TNIK: variants seen among roughly 807,000 people sequenced by gnomAD.
TNIK encodes TRAF2 and NCK-interacting protein kinase.
A neutral mutation model predicts 191.3 loss-of-function variants in TNIK; 49 were observed. That is an observed-to-expected ratio of 0.26 (90% CI 0.20 to 0.32). The LOEUF is 0.32. Ranked by LOEUF, TNIK falls within the 10% of genes least tolerant of loss-of-function variation. The pLI, the probability that TNIK is intolerant of heterozygous loss-of-function variation, is 1.00. For synonymous variants in TNIK, 594 were observed against 600.9 expected (o/e 0.99, Z 0.17); for missense variants, 1,155 against 1,702.3 (o/e 0.68, Z 5.66).
rs757626764 is a variant in TNIK, at chr3:171,113,167, T to TTTCTC, written c.2121-2295_2121-2291dup. On this transcript the variant is annotated intron_variant, in intron 18 of 32. Transcript: ENST00000436636. ...ATTCATATTTGTTTGCCATTTGTAA[T>TTTCTC]TTCTCTTCTGTGAATTGCTTAATTA... Among the ~76,000 whole-genome samples, 31 of 152,362 alleles carry TTTCTC rather than the reference T, an allele frequency of 2.0e-4. No individual in the cohort carries two copies. In the East Asian group the frequency reaches 5.2e-3, roughly 26 times the overall value.
chr3:171,285,266 T>C (rs1750888341), intron 2 of TNIK, among the ~76,000 whole-genome samples: 1 of 152,262 alleles, frequency 6.6e-6, no homozygotes, highest in Non-Finnish European at 1.5e-5. Flanking sequence ...TGATAATGTA[T>C]CATTTCTACC....
chr3:171,218,895 T>G (rs1483888402), intron 3 of TNIK, among the ~76,000 whole-genome samples: 2 of 136,552 alleles, frequency 1.5e-5, no homozygotes, highest in Non-Finnish European at 3.1e-5. Context: ...ATATTATATA[T>G]TTACATATTT....
chr3:171,377,946 C>T (rs1717485700), intron 1 of TNIK, among the ~76,000 whole-genome samples: 1 of 152,198 alleles, frequency 6.6e-6, no homozygotes, highest in African/African-American at 2.4e-5. Context: ...CATTTCTCTA[C>T]AAATGGCCAA....
chr3:171,076,554 A>G (rs1380055799), intron 28 of TNIK, among the ~76,000 whole-genome samples: 3 of 152,062 alleles, frequency 2.0e-5, no homozygotes, highest in African/African-American at 7.2e-5. Flanking sequence ...CCGCTCCTTT[A>G]TTGTCATTCT....
rs76118605 is a variant in TNIK at position 171,142,111 on chromosome 3, G to A, written c.1222-1602C>T. Among the ~76,000 whole-genome samples the A allele has an allele frequency of 8.5e-3, 1,291 of 152,288 alleles. 19 individuals are homozygous for A. Among genetic ancestry groups the A allele is most frequent in the African/African-American group, 0.029 (1,222 of 41,536 alleles). ...CTCTGAGTCTTGGGAGATAAGCTGC[G>A]TCTCTTAAGACTCAGTTTCTGTCAC... On this transcript the variant is annotated intron_variant, in intron 12 of 32. Transcript: ENST00000436636.
intron 9 of TNIK, among the ~76,000 whole-genome samples, chr3:171,168,099 C>G (rs552050987): frequency 6.6e-6 from 1 of 152,262 alleles, no homozygotes; most frequent in Admixed American, 6.5e-5. Flanking sequence ...ACCATACCTA[C>G]GATTATGGCA....
intron 2 of TNIK, among the ~76,000 whole-genome samples, chr3:171,328,005 G>A (rs1244748117): frequency 6.7e-6 from 1 of 150,030 alleles, no homozygotes; most frequent in Non-Finnish European, 1.5e-5. Context: ...CTCAGGCCAG[G>A]CCACTTCTTA....
intron 28 of TNIK, among the ~76,000 whole-genome samples, chr3:171,075,528 C>T (rs539120471): frequency 1.3e-5 from 2 of 152,242 alleles, no homozygotes; most frequent in East Asian, 3.9e-4. Context: ...CACTGCTGCC[C>T]AGCCTGCTAT....
At chr3:171,187,808 A>G (rs928955181) in intron 7 of TNIK, among the ~76,000 whole-genome samples, 8 of 152,152 alleles carry the variant, frequency 5.3e-5, no homozygotes, top group African/African-American at 1.9e-4. Flanking sequence ...TTTTGGTGAA[A>G]AGTCCATGCA....
intron 1 of TNIK, among the ~76,000 whole-genome samples, chr3:171,437,776 T>C (rs143551844): frequency 6.6e-6 from 1 of 152,344 alleles, no homozygotes; most frequent in Non-Finnish European, 1.5e-5. Context: ...TGATGCCCTG[T>C]GTTAGAAAGA....
intron 32 of TNIK, among the ~76,000 whole-genome samples, chr3:171,065,415 C>T (rs934147656): frequency 1.3e-5 from 2 of 152,202 alleles, no homozygotes; most frequent in Non-Finnish European, 2.9e-5. Flanking sequence ...AAAAATTCAA[C>T]CCATCATACT....
At chr3:171,258,842 T>C (rs749048930) in intron 2 of TNIK, among the ~76,000 whole-genome samples, 3 of 152,194 alleles carry the variant, frequency 2.0e-5, no homozygotes, top group Non-Finnish European at 4.4e-5. Context: ...GATGATAATC[T>C]CATTATAATC....
chr3:171,065,103 A>G (rs567350746), intron 32 of TNIK, among the ~76,000 whole-genome samples: 7 of 152,338 alleles, frequency 4.6e-5, no homozygotes, highest in African/African-American at 1.7e-4. Context: ...AGGGTGTGGC[A>G]TGGCTTGGAA....
intron 12 of TNIK, among the ~76,000 whole-genome samples, chr3:171,151,106 T>C (rs2108681243): frequency 6.6e-6 from 1 of 152,368 alleles, no homozygotes; most frequent in Non-Finnish European, 1.5e-5. Context: ...GAAAAGTAAA[T>C]ATTATTTTAC....
At chr3:171,459,465 G>T (rs990272289) in intron 1 of TNIK, among the ~76,000 whole-genome samples, 2 of 152,140 alleles carry the variant, frequency 1.3e-5, no homozygotes, top group Non-Finnish European at 2.9e-5. Context: ...GGGGGAGGGG[G>T]AGGCAGTTGC....
rs1223030740 is a variant in TNIK, at chr3:171,084,253, T to C, written c.3071A>G (p.Asn1024Ser). ...AGGCCGAATGTTGGTTGGGTTTACATTTACCACCGAAATCTTTCTTGCTTC... is the reference window on the plus strand; with the variant it reads ...AGGCCGAATGTTGGTTGGGTTTACACTTACCACCGAAATCTTTCTTGCTTC... ...LNEARKISVV[N>S]VNPTNIRPHS... Residue 1024 changes from asparagine to serine, a missense_variant, in exon 26 of 33, where the codon AAT becomes AGT. Coordinates refer to ENST00000436636, the MANE Select transcript of TNIK (RefSeq NM_015028.4). 1 of 1,613,870 alleles carries C rather than the reference T, an allele frequency of 6.2e-7. No individual in the cohort carries two copies.
chr3:171,110,803 C>A lies in TNIK; in HGVS notation c.2195G>T (p.Ser732Ile). ...GGGCTGGGAGCTAGGGGTGCTGGAGCTGGAGGAACTGCCACTGCTGGTCCT... is the reference window on the plus strand; with the variant it reads ...GGGCTGGGAGCTAGGGGTGCTGGAGATGGAGGAACTGCCACTGCTGGTCCT... ...LQRTSSGSSS[S>I]SSTPSSQPSS... The change falls in exon 19 of 33, where the codon AGC becomes ATC. Residue 732 changes from serine (S) to isoleucine (I), a missense_variant. Ser to Ile is a moderately radical substitution (Grantham distance 142, BLOSUM62 -2). Coordinates refer to ENST00000436636, the MANE Select transcript of TNIK (RefSeq NM_015028.4). The A allele has an allele frequency of 6.2e-7, 1 of 1,603,928 alleles. No homozygotes were observed. Among genetic ancestry groups the A allele is most frequent in the Non-Finnish European group, 8.5e-7 (1 of 1,175,670 alleles).
intron 1 of TNIK, among the ~76,000 whole-genome samples, chr3:171,387,541 G>C (rs1413744794): frequency 6.6e-6 from 1 of 152,080 alleles, no homozygotes; most frequent in African/African-American, 2.4e-5. Context: ...GCCCTTCTCA[G>C]TCACTATACT....
intron 21 of TNIK, among the ~76,000 whole-genome samples, chr3:171,103,093 T>C (rs1355900883): frequency 2.0e-5 from 3 of 152,172 alleles, no homozygotes; most frequent in Non-Finnish European, 2.9e-5. Context: ...AAATTTGTCT[T>C]GATGACACCT....
Sources: allele counts gnomAD v4.1 joint callset (sites outside exome capture counted in the v4.1 genomes callset), GRCh38; gene constraint gnomAD v4.1.1; transcripts MANE v1.5; gene names NCBI Gene and HGNC (gene_info 2026-07-23, HGNC 2026-07-21).